The following KMT2C variants were observed in gnomAD, a reference collection of about 807,000 sequenced individuals.
The protein encoded by KMT2C is histone-lysine N-methyltransferase 2C.
Under a neutral mutation model 507.9 loss-of-function variants are expected in KMT2C, and 88 were observed. That is an observed-to-expected ratio of 0.17 (90% CI 0.15 to 0.21). The LOEUF (loss-of-function observed/expected upper bound fraction) is 0.21, where lower values mean the gene tolerates loss of function less well. Ranked by LOEUF, KMT2C falls within the 10% of genes least tolerant of loss-of-function variation. The pLI is 1.00. For missense variants in KMT2C, 4,954 were observed against 5,957.8 expected (o/e 0.83, Z 5.55); for synonymous variants, 2,049 against 2,080.8 (o/e 0.98, Z 0.42).
chr7:152,171,323 C>G lies in KMT2C; in HGVS notation c.9394G>C (p.Val3132Leu), dbSNP rs752323866. 6.2e-7 allele frequency: 1 copy of G among 1,605,828 alleles called. No individual in the cohort carries two copies. The highest frequency in any genetic ancestry group is 2.2e-5 in the East Asian group (1 of 44,470). The change falls in exon 40 of 59, where the codon GTG becomes CTG. Residue 3132 changes from valine (V) to leucine (L), a missense_variant. Transcript: ENST00000262189. ...VMSRFPFMGQ[V>L]VTGTQNSEGQ... ...TCACTGTTCTGTGTTCCAGTTACCA[C>G]CTGGCCCATAAAAGGGAACCTGTCA...
intron 1 of KMT2C, among the ~76,000 whole-genome samples, chr7:152,388,507 G>T (rs575285984): frequency 6.6e-6 from 1 of 152,072 alleles, no homozygotes; most frequent in Non-Finnish European, 1.5e-5. Context: ...TGCGTAAGCC[G>T]AGATTGTGGC....
At chr7:152,151,299 T>G in intron 50 of KMT2C, 143 bp downstream of exon 50, 2 of 803,978 alleles carry the variant, frequency 2.5e-6, no homozygotes, top group South Asian at 1.8e-5. Context: ...CAAGCACATC[T>G]GATATACGCT....
At chr7:152,314,560 T>C (rs555639605) in intron 4 of KMT2C, among the ~76,000 whole-genome samples, 3 of 149,926 alleles carry the variant, frequency 2.0e-5, no homozygotes, top group East Asian at 3.9e-4. Context: ...GAAAAAAGCA[T>C]CTTCTGGGAG....
chr7:152,234,536 A>C (rs1178405102), intron 16 of KMT2C, among the ~76,000 whole-genome samples: 1 of 152,218 alleles, frequency 6.6e-6, no homozygotes, highest in Non-Finnish European at 1.5e-5. Flanking sequence ...AGAGGAGAAT[A>C]TACTTCCTGA....
At position 152,135,511 on chromosome 7, in the gene KMT2C, CTTTT is replaced by C. The variant is rs112800369; in HGVS notation, c.*1317_*1320del. On this transcript the variant is annotated 3_prime_UTR_variant, in exon 59 of 59. Transcript: ENST00000262189. The stretch of plus-strand genomic sequence containing the variant: ...GCAGCTGTAAGCATAATCACATCTC[CTTTT>C]TTTTTTTAACTTTTTCAAATTTTTG... 2.4e-4 allele frequency: 49 copies of C among 201,386 alleles called. No individual in the cohort carries two copies. Among genetic ancestry groups the C allele is most frequent in the South Asian group, 1.6e-3 (8 of 5,098 alleles). The allele number at this position is 201,386 out of a possible 1,614,324, so 12.5% of individuals were successfully genotyped here.
chr7:152,204,524 G>A (rs1051290477), intron 25 of KMT2C, among the ~76,000 whole-genome samples: 1 of 152,004 alleles, frequency 6.6e-6, no homozygotes, highest in Non-Finnish European at 1.5e-5. Flanking sequence ...CTGAGCTCAG[G>A]AGTGCAAGGC....
At chr7:152,201,664 G>C (rs2094148501) in intron 26 of KMT2C, among the ~76,000 whole-genome samples, 2 of 133,290 alleles carry the variant, frequency 1.5e-5, no homozygotes, top group African/African-American at 2.9e-5. Context: ...CCTATAAATG[G>C]ATTTTTTTTC....
intron 2 of KMT2C, among the ~76,000 whole-genome samples, chr7:152,338,138 A>G (rs1451961499): frequency 6.6e-6 from 1 of 152,132 alleles, no homozygotes. Flanking sequence ...GATTACAGGC[A>G]TGAGCCACCG....
chr7:152,319,196 C>A (rs1055510249), intron 3 of KMT2C, among the ~76,000 whole-genome samples: 2 of 152,146 alleles, frequency 1.3e-5, no homozygotes, highest in East Asian at 3.8e-4. Context: ...AGACCAAGGG[C>A]ACGAGCTGTT....
chr7:152,178,448 G>A (rs2093308000), intron 37 of KMT2C, among the ~76,000 whole-genome samples: 1 of 152,178 alleles, frequency 6.6e-6, no homozygotes, highest in African/African-American at 2.4e-5. Flanking sequence ...GGGACTTACA[G>A]GCCTCAGTAC....
At chr7:152,387,445 A>G (rs993340883) in intron 1 of KMT2C, among the ~76,000 whole-genome samples, 1 of 148,600 alleles carries the variant, frequency 6.7e-6, no homozygotes, top group Non-Finnish European at 1.5e-5. Flanking sequence ...AAAAGTGACA[A>G]AACAGTATTT....
chr7:152,155,843 T>A, intron 46 of KMT2C, 67 bp downstream of exon 46: 10 of 1,448,624 alleles, frequency 6.9e-6, no homozygotes, highest in Non-Finnish European at 9.4e-6. Context: ...TTATGCCACA[T>A]ACATACATTT....
intron 3 of KMT2C, among the ~76,000 whole-genome samples, chr7:152,326,082 T>C (rs1265355209): frequency 6.6e-6 from 1 of 152,204 alleles, no homozygotes; most frequent in East Asian, 1.9e-4. Context: ...TCTGTTTCTG[T>C]GGTAATACAG....
At chr7:152,220,851 CG>C (rs1322715560) in intron 22 of KMT2C, 116 bp from the exon 23 acceptor site, 2 of 703,984 alleles carry the variant, frequency 2.8e-6, no homozygotes, top group African/African-American at 3.6e-5. Flanking sequence ...AAAGCAATTA[CG>C]TATCTATGAA....
chr7:152,167,088 C>A, intron 42 of KMT2C, 58 bp downstream of exon 42: 1 of 1,392,038 alleles, frequency 7.2e-7, no homozygotes, highest in Non-Finnish European at 1.0e-6. Context: ...GAACAACACA[C>A]CAAAACATTC....
chr7:152,143,188 A>G (rs920611387), intron 55 of KMT2C, among the ~76,000 whole-genome samples: 11 of 152,226 alleles, frequency 7.2e-5, no homozygotes, highest in Non-Finnish European at 1.5e-4. Flanking sequence ...TAATTCACCC[A>G]CAGAATCCGA....
chr7:152,136,974 A>G, intron 58 of KMT2C, 50 bp from the exon 59 acceptor site: 1 of 1,373,406 alleles, frequency 7.3e-7, no homozygotes, highest in South Asian at 1.2e-5. Flanking sequence ...GGAAGGCAAT[A>G]GCGTTTCTGC....
intron 2 of KMT2C, among the ~76,000 whole-genome samples, chr7:152,348,599 T>TAAAAAAAAAAAAAAAAAAAAAAAAAGAAA (rs2097082946): frequency 2.0e-5 from 1 of 48,992 alleles, no homozygotes; most frequent in Non-Finnish European, 4.5e-5. Flanking sequence ...AACTCTGTCT[T>TAAAAAAAAAAAAAAAAAAAAAAAAAGAAA]AAAAAAAAAA....
At chr7:152,161,969 A>G (rs192408767) in intron 43 of KMT2C, 148 bp downstream of exon 43, 382 of 857,820 alleles carry the variant, frequency 4.5e-4, no homozygotes, top group Admixed American at 6.6e-4. Flanking sequence ...CATGGGTTCC[A>G]GAGAGGTAGA....
Sources: gnomAD v4.1 joint callset for allele counts (sites outside exome capture counted in the v4.1 genomes callset) on GRCh38, gnomAD v4.1.1 for gene constraint, MANE v1.5 for transcripts, NCBI Gene and HGNC (gene_info 2026-07-23, HGNC 2026-07-21) for gene names.